The following CDK14 variants were observed in gnomAD, a reference collection of about 807,000 sequenced individuals.
CDK14 encodes the protein cyclin-dependent kinase 14.
Under a neutral mutation model 60.7 loss-of-function variants are expected in CDK14, and 34 were observed. That is an observed-to-expected ratio of 0.56 (90% confidence interval 0.43 to 0.75). The LOEUF (loss-of-function observed/expected upper bound fraction) is 0.75, where lower values mean the gene tolerates loss of function less well. Among genes scored for constraint, CDK14 ranks in the 30% least tolerant of loss-of-function variants. The pLI, the probability that CDK14 is intolerant of heterozygous loss-of-function variation, is 0.00. For synonymous variants in CDK14, 197 were observed against 203.7 expected, an observed-to-expected ratio of 0.97 and a Z score of 0.28; for missense variants, 482 against 564.1, an observed-to-expected ratio of 0.85 and a Z score of 1.47.
At chr7:91,097,336 G>C (rs755578268) in intron 12 of CDK14, among the ~76,000 whole-genome samples, 1 of 151,654 alleles carries the variant, frequency 6.6e-6, no homozygotes, top group South Asian at 2.1e-4. Context: ...AGCCAAAATC[G>C]CACCATTGCA....
At chr7:90,696,515 A>G (rs1452225733) in intron 2 of CDK14, among the ~76,000 whole-genome samples, 4 of 151,428 alleles carry the variant, frequency 2.6e-5, no homozygotes, top group Non-Finnish European at 5.9e-5. Flanking sequence ...TAATTTTTGT[A>G]TTTTGGCCAG....
At chr7:91,137,465 T>G (rs994610665) in intron 14 of CDK14, among the ~76,000 whole-genome samples, 1 of 152,004 alleles carries the variant, frequency 6.6e-6, no homozygotes, top group African/African-American at 2.4e-5. Flanking sequence ...CCTTGCTTTC[T>G]GGGAAAAAAA....
intron 6 of CDK14, among the ~76,000 whole-genome samples, chr7:90,898,660 T>C (rs1792410349): frequency 4.6e-5 from 7 of 152,076 alleles, no homozygotes; most frequent in Admixed American, 4.6e-4. Context: ...CAAATCGAGC[T>C]TGCATATTTA....
intron 2 of CDK14, among the ~76,000 whole-genome samples, chr7:90,711,574 C>T (rs1320945390): frequency 6.6e-6 from 1 of 151,982 alleles, no homozygotes; most frequent in Non-Finnish European, 1.5e-5. Context: ...ATTTTACAAT[C>T]ATACGATATT....
chr7:91,178,741 A>G (rs1471668720), intron 14 of CDK14, among the ~76,000 whole-genome samples: 1 of 151,484 alleles, frequency 6.6e-6, no homozygotes, highest in East Asian at 1.9e-4. Flanking sequence ...AGAAATGCAA[A>G]TCAAAACCAC....
chr7:91,093,429 G>T (rs1167624653), intron 12 of CDK14, among the ~76,000 whole-genome samples: 1 of 152,198 alleles, frequency 6.6e-6, no homozygotes, highest in Non-Finnish European at 1.5e-5. Flanking sequence ...AACAGAGTGG[G>T]CCTGAAGGGG....
At chr7:91,168,669 C>A (rs1246885950) in intron 14 of CDK14, among the ~76,000 whole-genome samples, 1 of 152,172 alleles carries the variant, frequency 6.6e-6, no homozygotes, top group Non-Finnish European at 1.5e-5. Flanking sequence ...ACACAAGTTA[C>A]ATTTTATTTC....
At chr7:90,987,448 T>C (rs534549078) in intron 10 of CDK14, among the ~76,000 whole-genome samples, 1 of 152,160 alleles carries the variant, frequency 6.6e-6, no homozygotes, top group Admixed American at 6.5e-5. Context: ...CCTTTGATAA[T>C]TAGGAAATGA....
chr7:90,862,056 A>T (rs1791026959), intron 5 of CDK14, among the ~76,000 whole-genome samples: 1 of 152,226 alleles, frequency 6.6e-6, no homozygotes, highest in Non-Finnish European at 1.5e-5. Flanking sequence ...ACAAAAAATA[A>T]AATGAAATAA....
intron 11 of CDK14, among the ~76,000 whole-genome samples, chr7:91,063,342 C>T (rs1797866190): frequency 6.6e-6 from 1 of 152,084 alleles, no homozygotes; most frequent in African/African-American, 2.4e-5. Flanking sequence ...CTGTTTTGCC[C>T]CCAAAATGTT....
chr7:90,794,678 A>G (rs1366710781), intron 5 of CDK14, among the ~76,000 whole-genome samples: 1 of 152,180 alleles, frequency 6.6e-6, no homozygotes, highest in Non-Finnish European at 1.5e-5. Flanking sequence ...CAAGGTGCCC[A>G]GATTTCATAT....
intron 10 of CDK14, among the ~76,000 whole-genome samples, chr7:91,036,026 G>T (rs993334924): frequency 1.3e-5 from 2 of 152,000 alleles, no homozygotes; most frequent in Non-Finnish European, 2.9e-5. Flanking sequence ...TGTATTTTTA[G>T]TAGAGACGGG....
intron 3 of CDK14, among the ~76,000 whole-genome samples, chr7:90,733,188 C>T (rs1335917363): frequency 6.6e-6 from 1 of 152,118 alleles, no homozygotes; most frequent in Non-Finnish European, 1.5e-5. Flanking sequence ...AATTTGATTG[C>T]ACTGTGGTCT....
intron 11 of CDK14, among the ~76,000 whole-genome samples, chr7:91,055,674 T>G (rs144911067): frequency 7.2e-5 from 11 of 152,358 alleles, no homozygotes; most frequent in Non-Finnish European, 1.5e-4. Flanking sequence ...CTTCTTTACC[T>G]CTTCAGTAAT....
chr7:91,060,762 G>A (rs1186490037), intron 11 of CDK14, among the ~76,000 whole-genome samples: 3 of 152,200 alleles, frequency 2.0e-5, no homozygotes, highest in Non-Finnish European at 2.9e-5. Flanking sequence ...TTTCTGCCGA[G>A]AGATCAGCTG....
chr7:91,179,681 T>C (rs983341253), intron 14 of CDK14, among the ~76,000 whole-genome samples: 5 of 151,904 alleles, frequency 3.3e-5, no homozygotes, highest in African/African-American at 9.7e-5. Flanking sequence ...CGGGCGCCTG[T>C]AGTCCCAGCT....
intron 4 of CDK14, among the ~76,000 whole-genome samples, chr7:90,749,156 G>A (rs1051278048): frequency 3.3e-5 from 5 of 152,194 alleles, no homozygotes; most frequent in African/African-American, 4.8e-5. Flanking sequence ...GTAAAAAAAA[G>A]TTTGTAAAAA....
intron 2 of CDK14, among the ~76,000 whole-genome samples, chr7:90,616,418 G>A (rs1272816607): frequency 1.3e-5 from 2 of 152,106 alleles, no homozygotes; most frequent in African/African-American, 4.8e-5. Flanking sequence ...AGCTCTCTTT[G>A]TATTGTCTTC....
chr7:90,945,233 G>A (rs987605553), intron 8 of CDK14, among the ~76,000 whole-genome samples: 3 of 152,202 alleles, frequency 2.0e-5, no homozygotes, highest in African/African-American at 7.2e-5. Context: ...GTAATAGCCA[G>A]TATGAATTAA....
Sources: allele counts gnomAD v4.1 joint callset (sites outside exome capture counted in the v4.1 genomes callset), GRCh38; gene constraint gnomAD v4.1.1; transcripts MANE v1.5; gene names NCBI Gene and HGNC (gene_info 2026-07-23, HGNC 2026-07-21).